PSMG2: variants seen among roughly 807,000 people sequenced by gnomAD.
PSMG2 encodes the protein proteasome assembly chaperone 2, also known as CD40 ligand-activated specific transcript 3.
PSMG2 carries 21 observed loss-of-function variants against 31.5 expected under a neutral mutation model. The observed-to-expected ratio is 0.67, with a 90% CI of 0.47 to 0.96. The LOEUF (loss-of-function observed/expected upper bound fraction) is 0.96, where lower values mean the gene tolerates loss of function less well. Ranked by LOEUF, PSMG2 falls within the 40% of genes least tolerant of loss-of-function variation. The pLI, the probability that PSMG2 is intolerant of heterozygous loss-of-function variation, is 0.00. For synonymous variants in PSMG2, 120 were observed against 110.4 expected, an observed-to-expected ratio of 1.09 and a Z score of -0.54; for missense variants, 318 against 321.2, an observed-to-expected ratio of 0.99 and a Z score of 0.08.
chr18:12,716,751 C>G (rs1033453620), intron 3 of PSMG2, among the ~76,000 whole-genome samples: 5 of 151,998 alleles, frequency 3.3e-5, no homozygotes, highest in African/African-American at 9.7e-5. Flanking sequence ...TGTGCTGATA[C>G]TGTTCTAAGT....
At chr18:12,704,069 C>T (rs903849329) in intron 1 of PSMG2, among the ~76,000 whole-genome samples, 1 of 152,080 alleles carries the variant, frequency 6.6e-6, no homozygotes, top group East Asian at 1.9e-4. Context: ...AAACACACAG[C>T]CCCAGAGAAG....
At chr18:12,707,859 T>C (rs17595746) in intron 2 of PSMG2, among the ~76,000 whole-genome samples, 11,402 of 152,306 alleles carry the variant, frequency 0.075, 603 homozygotes, top group Middle Eastern at 0.16. Context: ...TGTTTTTAGC[T>C]TGCGATAGTG....
intron 1 of PSMG2, among the ~76,000 whole-genome samples, chr18:12,674,962 C>T (rs142244953): frequency 1.3e-5 from 2 of 152,050 alleles, no homozygotes; most frequent in African/African-American, 4.8e-5. Context: ...TTTAGAGAAA[C>T]AACCAAAAAA....
intron 1 of PSMG2, among the ~76,000 whole-genome samples, chr18:12,676,153 C>T (rs937634493): frequency 3.3e-5 from 5 of 152,142 alleles, no homozygotes; most frequent in Admixed American, 2.0e-4. Flanking sequence ...CAAAGATCCA[C>T]GATTAACAAT....
chr18:12,675,767 C>G (rs534552424), intron 1 of PSMG2, among the ~76,000 whole-genome samples: 107 of 152,114 alleles, frequency 7.0e-4, no homozygotes, highest in Middle Eastern at 3.4e-3. Context: ...CTCCCAGGTT[C>G]AAGCGATTCT....
intron 2 of PSMG2, 103 bp downstream of exon 2, chr18:12,706,824 T>G: frequency 8.1e-7 from 1 of 1,229,530 alleles, no homozygotes; most frequent in Non-Finnish European, 1.1e-6. Context: ...GTTTACTTAG[T>G]GCCAACTTTG....
chr18:12,708,653 T>C (rs938415106), intron 2 of PSMG2, among the ~76,000 whole-genome samples: 1 of 149,526 alleles, frequency 6.7e-6, no homozygotes, highest in Non-Finnish European at 1.5e-5. Flanking sequence ...CACAAGCCGC[T>C]GCGCCCAGCG....
intron 1 of PSMG2, among the ~76,000 whole-genome samples, chr18:12,696,433 G>A (rs747269384): frequency 1.4e-4 from 22 of 152,084 alleles, no homozygotes; most frequent in South Asian, 6.2e-4. Flanking sequence ...AACCCAGGAG[G>A]CGGGGGTTGC....
chr18:12,686,319 T>G, intron 1 of PSMG2: 1 of 1,614,068 alleles, frequency 6.2e-7, no homozygotes, highest in Non-Finnish European at 8.5e-7. Flanking sequence ...TACCTCCTCC[T>G]CCAATAACAG....
At chr18:12,713,615 C>T (rs1002754905) in intron 3 of PSMG2, among the ~76,000 whole-genome samples, 1 of 152,082 alleles carries the variant, frequency 6.6e-6, no homozygotes, top group Non-Finnish European at 1.5e-5. Flanking sequence ...AGTCAGCTTG[C>T]GACACCAGGA....
At chr18:12,723,104 TATC>T (rs1455586969) in intron 5 of PSMG2, among the ~76,000 whole-genome samples, 2 of 152,234 alleles carry the variant, frequency 1.3e-5, no homozygotes, top group African/African-American at 2.4e-5. Flanking sequence ...GTTAGCCTGG[TATC>T]ATCTGAGACT....
intron 1 of PSMG2, chr18:12,678,275 G>A: frequency 1.2e-6 from 2 of 1,614,140 alleles, no homozygotes; most frequent in Non-Finnish European, 8.5e-7. Flanking sequence ...TTTCCATTTG[G>A]ATTCATCGTT....
At chr18:12,673,513 A>T (rs77719285) in intron 1 of PSMG2, 59 of 1,498,356 alleles carry the variant, frequency 3.9e-5, no homozygotes, top group African/African-American at 7.3e-5. Flanking sequence ...TCTATTTAAG[A>T]AAAAAAAAAT....
In PSMG2 at chr18:12,685,633, T is replaced by A. The variant is rs184331392; in HGVS notation, c.-36-20917T>A. The A allele has an allele frequency of 1.3e-4, 18 of 139,452 alleles. No individual in the cohort carries two copies. The East Asian group carries it at 3.7e-3, about 29-fold the overall frequency. 8.6% of individuals were successfully genotyped at this position (139,452 alleles called of 1,614,324 possible). A position where few individuals can be genotyped will look rare whatever the true frequency, so the allele number is the denominator to read the frequency against. On this transcript the variant is annotated intron_variant, in intron 1 of 6. Transcript: ENST00000585331. ...GTGGATACTCAAGGCTTATATAAAA[T>A]AGTATTTTTTTTTTTTTTGAGACGT...
intron 1 of PSMG2, among the ~76,000 whole-genome samples, chr18:12,671,671 C>G (rs1472703536): frequency 9.9e-6 from 1 of 101,504 alleles, no homozygotes; most frequent in South Asian, 3.3e-4. Flanking sequence ...TTTTTTGAGA[C>G]AGAGTCTTGC....
chr18:12,696,792 A>G (rs2039973031), intron 1 of PSMG2, among the ~76,000 whole-genome samples: 1 of 152,144 alleles, frequency 6.6e-6, no homozygotes, highest in Non-Finnish European at 1.5e-5. Context: ...TCACTCACCC[A>G]CACTGTAAAA....
At chr18:12,662,804 G>A (rs1028476744) in intron 1 of PSMG2, among the ~76,000 whole-genome samples, 9 of 152,020 alleles carry the variant, frequency 5.9e-5, no homozygotes, top group African/African-American at 2.2e-4. Context: ...TTTTTTTGAC[G>A]AAAAGTAGAG....
chr18:12,699,489 T>C (rs974666640), upstream of PSMG2, among the ~76,000 whole-genome samples: 1 of 152,178 alleles, frequency 6.6e-6, no homozygotes, highest in Non-Finnish European at 1.5e-5. Flanking sequence ...TTTAACTGCT[T>C]ATCCAACATT....
chr18:12,700,869 G>T, upstream of PSMG2: 2 of 1,071,862 alleles, frequency 1.9e-6, no homozygotes, highest in Non-Finnish European at 2.7e-6. Context: ...TTACTAAAAC[G>T]AAAGGCCCCA....
Sources: gnomAD v4.1 joint callset for allele counts (sites outside exome capture counted in the v4.1 genomes callset) on GRCh38, gnomAD v4.1.1 for gene constraint, MANE v1.5 for transcripts, NCBI Gene and HGNC (gene_info 2026-07-23, HGNC 2026-07-21) for gene names.